The following KCNQ5 variants were observed in gnomAD, a reference collection of about 807,000 sequenced individuals.
KCNQ5 encodes potassium voltage-gated channel subfamily KQT member 5.
A neutral mutation model predicts 98.2 loss-of-function variants in KCNQ5; 30 were observed. That is an observed-to-expected ratio of 0.31 (90% CI 0.23 to 0.41). The LOEUF is 0.41. Ranked by LOEUF, KCNQ5 falls within the 10% of genes least tolerant of loss-of-function variation. KCNQ5 has a pLI of 1.00. For missense variants in KCNQ5, 835 were observed against 1,182.5 expected (o/e 0.71, Z 4.31); for synonymous variants, 458 against 449.4 (o/e 1.02, Z -0.24).
intron 1 of KCNQ5, among the ~76,000 whole-genome samples, chr6:72,845,211 C>A (rs1776969104): frequency 6.6e-6 from 1 of 152,086 alleles, no homozygotes; most frequent in Non-Finnish European, 1.5e-5. Context: ...AGTGTGTAAA[C>A]AAATACTAGC....
intron 7 of KCNQ5, among the ~76,000 whole-genome samples, chr6:73,118,409 G>C (rs927913174): frequency 6.6e-6 from 1 of 151,974 alleles, no homozygotes; most frequent in African/African-American, 2.4e-5. Flanking sequence ...TTATTCTACT[G>C]TTTCTGGGTA....
chr6:72,638,077 C>A (rs899330494), intron 1 of KCNQ5, among the ~76,000 whole-genome samples: 3 of 152,120 alleles, frequency 2.0e-5, no homozygotes, highest in African/African-American at 7.2e-5. Context: ...TGCAATCCTT[C>A]CAAAGGTAGG....
intron 1 of KCNQ5, among the ~76,000 whole-genome samples, chr6:72,734,481 C>T (rs1165231657): frequency 6.6e-6 from 1 of 152,068 alleles, no homozygotes; most frequent in Non-Finnish European, 1.5e-5. Flanking sequence ...ACCACCACAC[C>T]TGGCTAATTT....
chr6:72,954,561 G>A (rs2150258099), intron 1 of KCNQ5, among the ~76,000 whole-genome samples: 1 of 137,042 alleles, frequency 7.3e-6, no homozygotes, highest in East Asian at 2.0e-4. Flanking sequence ...GTGTGTGTGT[G>A]TGTTGATAAA....
Position 73,091,770 on chromosome 6 carries a change from A to G in KCNQ5, c.919-13487A>G, listed in dbSNP as rs79796699. Among the ~76,000 whole-genome samples, 799 of 125,910 alleles carry G rather than the reference A, an allele frequency of 6.3e-3. 3 individuals are homozygous for G. The highest frequency in any genetic ancestry group is 0.015 in the African/African-American group (548 of 35,444). 82.6% of individuals were successfully genotyped at this position (125,910 alleles called of 152,430 possible). On this transcript the variant is annotated intron_variant, in intron 5 of 13. Coordinates refer to ENST00000370398, the MANE Select transcript of KCNQ5 (RefSeq NM_019842.4). ...GGTTGGTTGGGTTTTTTGTTGGTTT[A>G]TTTGTTTGTTTGTTTTGGCTTAGTC...
chr6:73,156,617 CCATT>C (rs200020781), intron 10 of KCNQ5, among the ~76,000 whole-genome samples: 2,717 of 138,840 alleles, frequency 0.02, 73 homozygotes, highest in African/African-American at 0.072. Flanking sequence ...GAATGAGACT[CCATT>C]CAAAAAAAAC....
intron 1 of KCNQ5, among the ~76,000 whole-genome samples, chr6:72,885,272 AT>A (rs1778805991): frequency 6.6e-6 from 1 of 152,224 alleles, no homozygotes; most frequent in Non-Finnish European, 1.5e-5. Flanking sequence ...GAAACTTATT[AT>A]TTCTTGACTA....
intron 10 of KCNQ5, chr6:73,135,643 T>C (rs7772526): frequency 0.27 from 41,516 of 152,196 alleles, 11,053 homozygotes; most frequent in African/African-American, 0.69. Context: ...AACCAGTCTT[T>C]GTTGAGTGCA....
At chr6:72,972,962 C>G (rs1767975705) in intron 1 of KCNQ5, among the ~76,000 whole-genome samples, 1 of 152,100 alleles carries the variant, frequency 6.6e-6, no homozygotes, top group Admixed American at 6.6e-5. Flanking sequence ...ACAGTTACAA[C>G]CTAGGAAGTA....
intron 1 of KCNQ5, among the ~76,000 whole-genome samples, chr6:72,904,417 G>A (rs1581990286): frequency 6.6e-6 from 1 of 151,972 alleles, no homozygotes; most frequent in Non-Finnish European, 1.5e-5. Flanking sequence ...TGTGTACCTT[G>A]GTTTTTTGTT....
In KCNQ5 at chr6:73,027,990, T is replaced by C. The variant is rs149054335; in HGVS notation, c.490-13946T>C. Among the ~76,000 whole-genome samples the C allele has an allele frequency of 8.0e-4, 122 of 152,354 alleles. 1 individual carries two copies. The highest frequency in any genetic ancestry group is 2.9e-3 in the African/African-American group (121 of 41,584). On this transcript the variant is annotated intron_variant, in intron 2 of 13. Transcript: ENST00000370398. Reference sequence around the variant, plus strand: ...ATATATAAACCTAGTCTTTGAATACTGTACTTTCAGTGACTCTAGATACTC... The same window carrying C: ...ATATATAAACCTAGTCTTTGAATACCGTACTTTCAGTGACTCTAGATACTC...
At chr6:73,144,087 C>G (rs1462885355) in intron 10 of KCNQ5, among the ~76,000 whole-genome samples, 2 of 152,096 alleles carry the variant, frequency 1.3e-5, no homozygotes, top group Non-Finnish European at 2.9e-5. Flanking sequence ...TCATGGTGTG[C>G]TCTACTTGGT....
chr6:73,076,438 A>G (rs1773546084), intron 3 of KCNQ5, among the ~76,000 whole-genome samples: 1 of 152,156 alleles, frequency 6.6e-6, no homozygotes, highest in Admixed American at 6.5e-5. Flanking sequence ...CACTTATCCC[A>G]CTTCAAAGCC....
chr6:72,924,324 A>C (rs989447182), intron 1 of KCNQ5, among the ~76,000 whole-genome samples: 12 of 152,214 alleles, frequency 7.9e-5, no homozygotes, highest in Non-Finnish European at 1.5e-4. Context: ...TAGGAAGCAG[A>C]AATAGCAATT....
At chr6:73,048,844 G>T (rs1032084036) in intron 3 of KCNQ5, among the ~76,000 whole-genome samples, 1 of 152,114 alleles carries the variant, frequency 6.6e-6, no homozygotes, top group African/African-American at 2.4e-5. Context: ...AGCCCCAGTG[G>T]TATCACCAGT....
intron 1 of KCNQ5, chr6:72,986,178 C>G (rs1382778549): frequency 6.2e-6 from 1 of 162,308 alleles, no homozygotes; most frequent in East Asian, 1.6e-4. Context: ...TGCAGTGAGC[C>G]GAGATCGCAC....
intron 1 of KCNQ5, among the ~76,000 whole-genome samples, chr6:72,858,596 G>C (rs1284041056): frequency 6.6e-6 from 1 of 151,380 alleles, no homozygotes; most frequent in Non-Finnish European, 1.5e-5. Context: ...TATATTTTCA[G>C]TTTAGTACAT....
intron 11 of KCNQ5, among the ~76,000 whole-genome samples, chr6:73,184,894 A>AG (rs749471568): frequency 2.8e-4 from 43 of 152,162 alleles, no homozygotes; most frequent in Non-Finnish European, 5.1e-4. Flanking sequence ...TGGAGAGAGA[A>AG]GGGGGGAATT....
At chr6:72,881,390 T>A (rs937690799) in intron 1 of KCNQ5, among the ~76,000 whole-genome samples, 2 of 152,212 alleles carry the variant, frequency 1.3e-5, no homozygotes, top group Admixed American at 6.5e-5. Flanking sequence ...CATTTTCACT[T>A]CTTCTTCAAG....
Sources: gnomAD v4.1 joint callset for allele counts (sites outside exome capture counted in the v4.1 genomes callset) on GRCh38, gnomAD v4.1.1 for gene constraint, MANE v1.5 for transcripts, NCBI Gene and HGNC (gene_info 2026-07-23, HGNC 2026-07-21) for gene names.